The following ALDH1A1 variants were observed in gnomAD, a reference collection of about 807,000 sequenced individuals.
ALDH1A1 encodes aldehyde dehydrogenase 1 family member A1, also known as aldehyde dehydrogenase 1A1.
ALDH1A1 carries 19 observed loss-of-function variants against 62.1 expected under a neutral mutation model. The observed-to-expected ratio is 0.31, with a 90% CI of 0.21 to 0.45. The LOEUF is 0.45. Among genes scored for constraint, ALDH1A1 ranks in the 20% least tolerant of loss-of-function variants. The pLI is 1.00. For synonymous variants in ALDH1A1, 231 were observed against 215.9 expected (o/e 1.07, Z -0.61); for missense variants, 521 against 607.1 (o/e 0.86, Z 1.49).
chr9:72,933,811 T>C (rs567996464), intron 2 of ALDH1A1, among the ~76,000 whole-genome samples: 6 of 152,028 alleles, frequency 3.9e-5, no homozygotes, highest in Non-Finnish European at 8.8e-5. Context: ...CCTCTCTCAA[T>C]AGAGGGAGAT....
At chr9:72,952,797 C>T (rs1177307133) in intron 1 of ALDH1A1, 138 bp downstream of exon 1, 1 of 839,762 alleles carries the variant, frequency 1.2e-6, no homozygotes, top group Admixed American at 2.8e-5. Flanking sequence ...TAAACTGAGA[C>T]CTGCATTTTG....
intron 1 of ALDH1A1, among the ~76,000 whole-genome samples, chr9:72,950,100 A>G (rs1830526449): frequency 6.6e-6 from 1 of 151,916 alleles, no homozygotes; most frequent in Non-Finnish European, 1.5e-5. Flanking sequence ...TATTCTGGAA[A>G]AACTGGAAAG....
chr9:72,929,098 A>G (rs8187921), intron 3 of ALDH1A1, 77 bp from the exon 4 acceptor site: 1 of 1,470,016 alleles, frequency 6.8e-7, no homozygotes, highest in African/African-American at 1.4e-5. Flanking sequence ...ATTTTCAGCA[A>G]TCATGTGCTA....
At chr9:72,918,948 CT>C (rs889147224) in intron 7 of ALDH1A1, 126 bp from the exon 8 acceptor site, 7,102 of 542,090 alleles carry the variant, frequency 0.013, no homozygotes, top group South Asian at 0.024. Context: ...CACCAAATGG[CT>C]TTTTTTTTTG....
At chr9:72,950,601 G>T (rs931120001) in intron 1 of ALDH1A1, among the ~76,000 whole-genome samples, 3 of 151,498 alleles carry the variant, frequency 2.0e-5, no homozygotes, top group Non-Finnish European at 4.4e-5. Context: ...GTGAAAAGCA[G>T]TCCCAAGCTT....
At chr9:72,902,885 T>C (rs1207804678) in intron 12 of ALDH1A1, among the ~76,000 whole-genome samples, 2 of 151,892 alleles carry the variant, frequency 1.3e-5, no homozygotes, top group Non-Finnish European at 2.9e-5. Flanking sequence ...AATTAGCAGG[T>C]CTCGAGTGAA....
intron 11 of ALDH1A1, among the ~76,000 whole-genome samples, chr9:72,907,773 T>G (rs1208099256): frequency 6.6e-6 from 1 of 152,228 alleles, no homozygotes; most frequent in Non-Finnish European, 1.5e-5. Flanking sequence ...GTTGTAGTAC[T>G]TGGTATAAAT....
intron 2 of ALDH1A1, among the ~76,000 whole-genome samples, chr9:72,933,193 T>C (rs534161373): frequency 2.0e-5 from 3 of 152,202 alleles, no homozygotes; most frequent in Non-Finnish European, 2.9e-5. Flanking sequence ...TGTGTAAACC[T>C]TGAGGCATCT....
chr9:72,943,392 A>G (rs2118573592), intron 1 of ALDH1A1, among the ~76,000 whole-genome samples: 1 of 152,254 alleles, frequency 6.6e-6, no homozygotes, highest in South Asian at 2.1e-4. Flanking sequence ...GTATGTATGT[A>G]CCATCTAGTT....
intron 7 of ALDH1A1, among the ~76,000 whole-genome samples, chr9:72,920,253 A>G (rs1385945362): frequency 1.3e-5 from 2 of 152,164 alleles, no homozygotes; most frequent in Non-Finnish European, 2.9e-5. Context: ...TAAATATTTT[A>G]TGTTTCTAAA....
At chr9:72,907,513 G>A (rs965588386) in intron 11 of ALDH1A1, among the ~76,000 whole-genome samples, 27 of 152,132 alleles carry the variant, frequency 1.8e-4, no homozygotes, top group African/African-American at 5.8e-4. Context: ...TCTGCTAGTC[G>A]AAAATACAAA....
At chr9:72,937,983 A>G (rs348455) in intron 2 of ALDH1A1, among the ~76,000 whole-genome samples, 145,038 of 152,154 alleles carry the variant, frequency 0.95, 69,407 homozygotes, top group Non-Finnish European at 0.99. Context: ...TGTTTTCATC[A>G]TACTGAAATC....
chr9:72,918,646 C>G, intron 8 of ALDH1A1, 74 bp downstream of exon 8: 2 of 193,006 alleles, frequency 1.0e-5, no homozygotes, highest in Admixed American at 7.2e-5. Context: ...TTGTAAAGTT[C>G]AAGTTCACTT....
At chr9:72,926,993 C>G in intron 5 of ALDH1A1, 123 bp downstream of exon 5, 1 of 719,058 alleles carries the variant, frequency 1.4e-6, no homozygotes, top group Admixed American at 2.8e-5. Flanking sequence ...TTCAACAAAT[C>G]TTACATTTAC....
intron 7 of ALDH1A1, among the ~76,000 whole-genome samples, chr9:72,919,780 A>T (rs2118518429): frequency 6.6e-6 from 1 of 152,286 alleles, no homozygotes; most frequent in Non-Finnish European, 1.5e-5. Flanking sequence ...AAGAAATGGG[A>T]TCTGTGCAGC....
At chr9:72,921,809 G>A (rs1830149666) in intron 7 of ALDH1A1, among the ~76,000 whole-genome samples, 1 of 151,944 alleles carries the variant, frequency 6.6e-6, no homozygotes, top group Admixed American at 6.6e-5. Context: ...CAGCAAGAGA[G>A]AGAGACACAT....
intron 7 of ALDH1A1, among the ~76,000 whole-genome samples, chr9:72,922,684 C>T (rs1830159226): frequency 6.6e-6 from 1 of 152,230 alleles, no homozygotes; most frequent in South Asian, 2.1e-4. Context: ...CACATGGATT[C>T]CCTATTGGGG....
chr9:72,946,652 A>G (rs950731431), intron 1 of ALDH1A1, among the ~76,000 whole-genome samples: 1 of 152,032 alleles, frequency 6.6e-6, no homozygotes, highest in Admixed American at 6.6e-5. Flanking sequence ...TCTTTTGAAC[A>G]TGGTTCTATG....
chr9:72,918,924 T>G (rs1008187356), intron 7 of ALDH1A1, 102 bp from the exon 8 acceptor site: 4 of 798,252 alleles, frequency 5.0e-6, no homozygotes, highest in Admixed American at 2.6e-5. Flanking sequence ...CAGTAAAATT[T>G]CATTTGGGAG....
Sources: allele counts gnomAD v4.1 joint callset (sites outside exome capture counted in the v4.1 genomes callset), GRCh38; gene constraint gnomAD v4.1.1; transcripts MANE v1.5; gene names NCBI Gene and HGNC (gene_info 2026-07-23, HGNC 2026-07-21).